Variants in ABCA4 observed in about 807,000 individuals in gnomAD.
The protein encoded by ABCA4 is retinal-specific phospholipid-transporting ATPase ABCA4.
In ABCA4, 196 loss-of-function variants were observed where a neutral mutation model predicts 263.7. That is an observed-to-expected ratio of 0.74 (90% confidence interval 0.66 to 0.84). The LOEUF is 0.84. Among genes scored for constraint, ABCA4 ranks in the 40% least tolerant of loss-of-function variants. The probability of loss-of-function intolerance (pLI) is 0.00; values close to 1 mark genes in which losing one functional copy is unlikely to be tolerated. For missense variants in ABCA4, 2,792 were observed against 2,855.1 expected, an observed-to-expected ratio of 0.98 and a Z score of 0.50; for synonymous variants, 1,133 against 1,094.2, an observed-to-expected ratio of 1.04 and a Z score of -0.70.
chr1:94,088,834 GA>G (rs5776203), intron 6 of ABCA4, among the ~76,000 whole-genome samples: 37,176 of 152,186 alleles, frequency 0.24, 5,021 homozygotes, highest in Non-Finnish European at 0.31. Flanking sequence ...AGGCATCTAA[GA>G]GGGGGTAGGA....
intron 17 of ABCA4, among the ~76,000 whole-genome samples, chr1:94,050,998 C>T (rs572951808): frequency 2.4e-4 from 36 of 152,332 alleles, no homozygotes; most frequent in African/African-American, 8.4e-4. Flanking sequence ...CTGTGCTTTT[C>T]CCTGCTTCTA....
chr1:94,027,313 G>A (rs144775518), intron 30 of ABCA4, among the ~76,000 whole-genome samples: 18 of 152,306 alleles, frequency 1.2e-4, no homozygotes, highest in East Asian at 1.9e-4. Context: ...GTAAGGGTTC[G>A]TTTAGGAAAT....
At chr1:94,004,491 G>A (rs7412750) in intron 44 of ABCA4, among the ~76,000 whole-genome samples, 131,245 of 152,146 alleles carry the variant, frequency 0.86, 58,713 homozygotes, top group East Asian at 0.99. Flanking sequence ...CTTCTCCCCC[G>A]CTCCACCCTG....
intron 9 of ABCA4, 52 bp downstream of exon 9, chr1:94,079,270 C>T (rs1335432373): frequency 1.9e-6 from 3 of 1,610,404 alleles, no homozygotes; most frequent in African/African-American, 2.7e-5. Context: ...CACACACACA[C>T]ACACTTCTGG....
intron 30 of ABCA4, among the ~76,000 whole-genome samples, chr1:94,026,985 AGAGAAAGAGT>A (rs898573365): frequency 9.9e-5 from 15 of 151,962 alleles, no homozygotes; most frequent in African/African-American, 3.6e-4. Flanking sequence ...AAAGAGATTG[AGAGAAAGAGT>A]GAGAAAGAGT....
intron 19 of ABCA4, among the ~76,000 whole-genome samples, chr1:94,045,350 T>C (rs1365796735): frequency 6.6e-6 from 1 of 150,944 alleles, no homozygotes; most frequent in Admixed American, 6.6e-5. Context: ...ATGGGAACTA[T>C]GACTCCCATG....
chr1:94,043,281 C>A, intron 21 of ABCA4, 55 bp downstream of exon 21: 1 of 1,612,868 alleles, frequency 6.2e-7, no homozygotes, highest in Admixed American at 1.7e-5. Context: ...CCTGGGTGCA[C>A]TGGGGAGCCA....
At chr1:94,082,735 T>A (rs1661735004) in intron 7 of ABCA4, among the ~76,000 whole-genome samples, 1 of 152,172 alleles carries the variant, frequency 6.6e-6, no homozygotes, top group Non-Finnish European at 1.5e-5. Context: ...TTTTTTCCCA[T>A]CTCTCTTTCC....
At chr1:94,056,894 C>CAGAA in intron 14 of ABCA4, 72 bp from the exon 15 acceptor site, 1 of 1,230,010 alleles carries the variant, frequency 8.1e-7, no homozygotes. Context: ...CCCTAAAGGG[C>CAGAA]TCTCTCCCAC....
At chr1:94,038,187 G>A (rs1381799641) in intron 24 of ABCA4, among the ~76,000 whole-genome samples, 5 of 152,024 alleles carry the variant, frequency 3.3e-5, no homozygotes, top group East Asian at 1.9e-4. Flanking sequence ...TAGGATATGC[G>A]GTGCGTATCA....
At chr1:94,098,670 GC>G in intron 6 of ABCA4, 123 bp downstream of exon 6, 3 of 1,139,996 alleles carry the variant, frequency 2.6e-6, no homozygotes, top group Non-Finnish European at 3.9e-6. Context: ...AGCCCTGGGA[GC>G]CTGGAGCTTT....
At chr1:94,029,335 A>C (rs1269268542) in intron 30 of ABCA4, 110 bp downstream of exon 30, 1 of 1,137,532 alleles carries the variant, frequency 8.8e-7, no homozygotes, top group Non-Finnish European at 1.2e-6. Flanking sequence ...TCCCCTACTC[A>C]ACTGCCAGTT....
chr1:94,021,135 T>C, intron 35 of ABCA4, 105 bp downstream of exon 35: 1 of 1,517,922 alleles, frequency 6.6e-7, no homozygotes, highest in Non-Finnish European at 9.1e-7. Context: ...CTAAACAGCA[T>C]TACCATCCAA....
chr1:94,045,754 A>G (rs771645321), intron 19 of ABCA4: 2 of 456,282 alleles, frequency 4.4e-6, no homozygotes, highest in South Asian at 3.1e-5. Flanking sequence ...TTCCATTCAC[A>G]CTGAACCGCC....
chr1:94,065,724 A>G (rs568960907), intron 11 of ABCA4, among the ~76,000 whole-genome samples: 1 of 152,378 alleles, frequency 6.6e-6, no homozygotes, highest in East Asian at 1.9e-4. Flanking sequence ...ACACAGGTAC[A>G]TGAAAAATTC....
At position 94,008,768 on chromosome 1, in the gene ABCA4, G is replaced by T. The variant is rs1659466058; in HGVS notation, c.5818C>A (p.Leu1940Ile). Residue 1940 changes from leucine (L) to isoleucine (I), a missense_variant, in exon 41 of 50, where the codon CTA becomes ATA. Coordinates refer to ENST00000370225, the MANE Select transcript of ABCA4 (RefSeq NM_000350.3). ...TGGNKTDILR[L>I]HELTKIYPGT... The stretch of plus-strand genomic sequence containing the variant: ...TCCCTTACCTTGGTTAGTTCATGTA[G>T]CCTTAAGATGTCAGTTTTATTTCCA... 1 of 1,613,820 alleles carries T rather than the reference G, an allele frequency of 6.2e-7. No homozygotes were observed. The highest frequency in any genetic ancestry group is 1.3e-5 in the African/African-American group (1 of 74,830).
At chr1:94,008,015 A>G (rs1428041849) in intron 42 of ABCA4, among the ~76,000 whole-genome samples, 1 of 152,212 alleles carries the variant, frequency 6.6e-6, no homozygotes, top group Non-Finnish European at 1.5e-5. Flanking sequence ...TTGAAATAAT[A>G]TTTTGGTTAT....
intron 13 of ABCA4, 99 bp from the exon 14 acceptor site, chr1:94,060,858 A>G (rs770441667): frequency 6.0e-5 from 62 of 1,031,538 alleles, no homozygotes; most frequent in Non-Finnish European, 8.7e-5. Flanking sequence ...CAAAGCCCAG[A>G]TGGAGGGAAA....
At chr1:94,010,976 C>A in intron 39 of ABCA4, 47 bp from the exon 40 acceptor site, 1 of 1,613,750 alleles carries the variant, frequency 6.2e-7, no homozygotes, top group Non-Finnish European at 8.5e-7. Context: ...CCCAGCTCAC[C>A]CCACAGACCT....
Sources: allele counts gnomAD v4.1 joint callset (sites outside exome capture counted in the v4.1 genomes callset), GRCh38; gene constraint gnomAD v4.1.1; transcripts MANE v1.5; gene names NCBI Gene and HGNC (gene_info 2026-07-23, HGNC 2026-07-21).